The following HIBADH variants were observed in gnomAD, a reference collection of about 807,000 sequenced individuals.
HIBADH encodes the protein 3-hydroxyisobutyrate dehydrogenase, mitochondrial.
A neutral mutation model predicts 36.1 loss-of-function variants in HIBADH; 25 were observed. The observed-to-expected ratio is 0.69, with a 90% CI of 0.50 to 0.97. HIBADH has a LOEUF of 0.97. HIBADH is among the 50% of genes least tolerant of loss of function. HIBADH has a pLI of 0.00. For synonymous variants in HIBADH, 160 were observed against 149.5 expected, an observed-to-expected ratio of 1.07 and a Z score of -0.51; for missense variants, 421 against 418.0, an observed-to-expected ratio of 1.01 and a Z score of -0.06.
chr7:27,621,929 T>C (rs1159357518), intron 4 of HIBADH, among the ~76,000 whole-genome samples: 1 of 151,990 alleles, frequency 6.6e-6, no homozygotes, highest in Non-Finnish European at 1.5e-5. Flanking sequence ...ACCACTGTGG[T>C]TGACTAAGAA....
intron 4 of HIBADH, among the ~76,000 whole-genome samples, chr7:27,623,279 C>G (rs10951173): frequency 1.3e-5 from 2 of 152,216 alleles, no homozygotes; most frequent in African/African-American, 2.4e-5. Flanking sequence ...ATATACAACA[C>G]ACTCACAGCT....
At chr7:27,658,275 G>C (rs962616832) in intron 1 of HIBADH, among the ~76,000 whole-genome samples, 1 of 152,120 alleles carries the variant, frequency 6.6e-6, no homozygotes, top group Non-Finnish European at 1.5e-5. Context: ...GGAAAAAGTA[G>C]AGTTAAAACA....
At chr7:27,642,524 T>C (rs559318308) in intron 2 of HIBADH, among the ~76,000 whole-genome samples, 1 of 152,282 alleles carries the variant, frequency 6.6e-6, no homozygotes, top group East Asian at 1.9e-4. Flanking sequence ...TCTGTTGACC[T>C]AAAGTAAAAG....
intron 6 of HIBADH, among the ~76,000 whole-genome samples, chr7:27,535,754 ACTTT>A (rs1236475784): frequency 6.6e-6 from 1 of 150,786 alleles, no homozygotes; most frequent in Non-Finnish European, 1.5e-5. Context: ...TTTACTCTTT[ACTTT>A]TTTTTTTTAA....
chr7:27,617,856 C>T (rs766419924), intron 4 of HIBADH, among the ~76,000 whole-genome samples: 2 of 152,210 alleles, frequency 1.3e-5, no homozygotes, highest in African/African-American at 2.4e-5. Context: ...CTGGGTCATT[C>T]ACCATCCCCC....
At chr7:27,555,828 G>A (rs1445389236) in intron 4 of HIBADH, among the ~76,000 whole-genome samples, 2 of 152,156 alleles carry the variant, frequency 1.3e-5, no homozygotes, top group East Asian at 3.9e-4. Context: ...ACAAATCCTC[G>A]TAAAAATCAT....
intron 4 of HIBADH, among the ~76,000 whole-genome samples, chr7:27,589,774 C>G (rs1784913963): frequency 6.6e-6 from 1 of 152,148 alleles, no homozygotes; most frequent in Non-Finnish European, 1.5e-5. Context: ...CTCTGAGCAA[C>G]CTTTTCTGTG....
At chr7:27,573,287 T>C (rs1306010901) in intron 4 of HIBADH, among the ~76,000 whole-genome samples, 1 of 152,224 alleles carries the variant, frequency 6.6e-6, no homozygotes, top group Non-Finnish European at 1.5e-5. Context: ...TAAACATGGA[T>C]TACTTCTTCA....
At chr7:27,658,492 G>A (rs1051415539) in intron 1 of HIBADH, among the ~76,000 whole-genome samples, 1 of 152,142 alleles carries the variant, frequency 6.6e-6, no homozygotes, top group Non-Finnish European at 1.5e-5. Context: ...GGAGTTATCC[G>A]TATCTTGATA....
At chr7:27,528,848 C>A (rs540370290) in intron 7 of HIBADH, among the ~76,000 whole-genome samples, 8 of 152,154 alleles carry the variant, frequency 5.3e-5, no homozygotes, top group African/African-American at 1.9e-4. Context: ...CTAGGACTTT[C>A]GCAGCTAAAG....
At chr7:27,642,339 C>T (rs1017864035) in intron 2 of HIBADH, among the ~76,000 whole-genome samples, 1 of 152,106 alleles carries the variant, frequency 6.6e-6, no homozygotes, top group Non-Finnish European at 1.5e-5. Flanking sequence ...TTTTCTTCCT[C>T]AAAAATTGCC....
chr7:27,561,510 T>A (rs1196166896), intron 4 of HIBADH, among the ~76,000 whole-genome samples: 1 of 152,212 alleles, frequency 6.6e-6, no homozygotes, highest in African/African-American at 2.4e-5. Context: ...TACAGATTCA[T>A]TGATGCTGGA....
At chr7:27,562,117 T>A (rs926276214) in intron 4 of HIBADH, among the ~76,000 whole-genome samples, 1 of 152,134 alleles carries the variant, frequency 6.6e-6, no homozygotes, top group African/African-American at 2.4e-5. Flanking sequence ...TTTTACTTTG[T>A]GCTTTTCCTC....
intron 4 of HIBADH, among the ~76,000 whole-genome samples, chr7:27,570,772 C>CT (rs1440203185): frequency 2.6e-5 from 4 of 151,450 alleles, no homozygotes; most frequent in Non-Finnish European, 5.9e-5. Context: ...GGTAATGTGT[C>CT]TTTTTTTCCC....
At chr7:27,577,164 C>CTTTTTTTTTTTTTTTTTTTTTTTTT (rs35467427) in intron 4 of HIBADH, among the ~76,000 whole-genome samples, 3 of 143,888 alleles carry the variant, frequency 2.1e-5, no homozygotes, top group Non-Finnish European at 1.5e-5. Context: ...CATCATTTCT[C>CTTTTTTTTTTTTTTTTTTTTTTTTT]TCTTTTTTTT....
chr7:27,528,294 G>A lies in HIBADH; in HGVS notation c.853-1922C>T, dbSNP rs561126311. ...GGCCTCTTAAGTGTTCAAATGAAAA[G>A]AGGAGTCAGCTGTCTCACACTTTAA... On this transcript the variant is annotated intron_variant, in intron 7 of 7. Coordinates refer to ENST00000265395, the MANE Select transcript of HIBADH (RefSeq NM_152740.4). 2.6e-5 allele frequency among the ~76,000 whole-genome samples: 4 copies of A among 152,218 alleles called. No homozygotes were observed. In the South Asian group the frequency reaches 8.3e-4, roughly 32 times the overall value.
At chr7:27,620,242 C>T (rs773418185) in intron 4 of HIBADH, among the ~76,000 whole-genome samples, 5 of 152,086 alleles carry the variant, frequency 3.3e-5, no homozygotes, top group Admixed American at 2.0e-4. Context: ...ATCGCTTGAA[C>T]CCAGGAGTTC....
intron 3 of HIBADH, among the ~76,000 whole-genome samples, chr7:27,630,840 A>G (rs1397334897): frequency 2.0e-5 from 3 of 152,216 alleles, no homozygotes; most frequent in Middle Eastern, 3.2e-3. Context: ...TATTTCACAG[A>G]AGAGAAATAG....
chr7:27,527,918 G>GTTTTTTTTTTTTTTTTTTT (rs746260280), intron 7 of HIBADH, among the ~76,000 whole-genome samples: 2 of 61,702 alleles, frequency 3.2e-5, no homozygotes, highest in African/African-American at 1.1e-4. Context: ...CACACCCAGC[G>GTTTTTTTTTTTTTTTTTTT]TTTTTTTTTT....
Sources: gnomAD v4.1 joint callset for allele counts (sites outside exome capture counted in the v4.1 genomes callset) on GRCh38, gnomAD v4.1.1 for gene constraint, MANE v1.5 for transcripts, NCBI Gene and HGNC (gene_info 2026-07-23, HGNC 2026-07-21) for gene names.